The following DLG2 variants were observed in gnomAD, a reference collection of about 807,000 sequenced individuals.
The protein encoded by DLG2 is discs large MAGUK scaffold protein 2.
DLG2 carries 45 observed loss-of-function variants against 132.5 expected under a neutral mutation model. That is an observed-to-expected ratio of 0.34 (90% CI 0.27 to 0.44). The LOEUF is 0.44. DLG2 is among the 20% of genes least tolerant of loss of function. DLG2 has a pLI of 1.00. For synonymous variants in DLG2, 424 were observed against 419.6 expected (o/e 1.01, Z -0.13); for missense variants, 1,045 against 1,196.9 (o/e 0.87, Z 1.87).
At chr11:85,155,894 A>T (rs2077557246) in intron 4 of DLG2, among the ~76,000 whole-genome samples, 2 of 151,010 alleles carry the variant, frequency 1.3e-5, no homozygotes, top group South Asian at 4.2e-4. Context: ...ACTTTAATGC[A>T]CGTTAATGAG....
chr11:85,407,542 T>C (rs1257593037), intron 3 of DLG2, among the ~76,000 whole-genome samples: 1 of 151,824 alleles, frequency 6.6e-6, no homozygotes, highest in Non-Finnish European at 1.5e-5. Flanking sequence ...GATTTCCTTC[T>C]GAAGTGGACT....
At chr11:84,124,707 A>C (rs1373913068) in intron 9 of DLG2, among the ~76,000 whole-genome samples, 2 of 152,170 alleles carry the variant, frequency 1.3e-5, no homozygotes, top group Non-Finnish European at 2.9e-5. Flanking sequence ...TTGATCTCTC[A>C]TGGATATCTT....
chr11:84,049,711 T>C (rs1008276507), intron 11 of DLG2, among the ~76,000 whole-genome samples: 1 of 151,836 alleles, frequency 6.6e-6, no homozygotes, highest in Admixed American at 6.6e-5. Context: ...ATCTCCTTAA[T>C]CTGGGTTGTT....
chr11:84,211,287 T>C (rs956982406), intron 8 of DLG2, among the ~76,000 whole-genome samples: 2 of 152,242 alleles, frequency 1.3e-5, no homozygotes, highest in Non-Finnish European at 2.9e-5. Flanking sequence ...ATGCAAATGA[T>C]AACCCACTTC....
intron 8 of DLG2, among the ~76,000 whole-genome samples, chr11:84,231,019 C>T (rs1432314248): frequency 1.3e-5 from 2 of 152,144 alleles, no homozygotes; most frequent in Admixed American, 6.5e-5. Flanking sequence ...GAAATTGTTA[C>T]CCTGCTAAAA....
intron 15 of DLG2, among the ~76,000 whole-genome samples, chr11:83,884,119 G>A (rs190958213): frequency 0.023 from 3,488 of 152,280 alleles, 50 homozygotes; most frequent in Middle Eastern, 0.054. Flanking sequence ...GGCACCATGC[G>A]CGAGCCGAAG....
chr11:84,728,030 A>C (rs917186542), intron 6 of DLG2, among the ~76,000 whole-genome samples: 25 of 151,758 alleles, frequency 1.6e-4, no homozygotes, highest in African/African-American at 5.6e-4. Flanking sequence ...ACAATCATGT[A>C]ATCTGCAGAC....
chr11:83,534,057 CGCCTGTTTGAAG>C, intron 20 of DLG2, among the ~76,000 whole-genome samples: 1 of 152,174 alleles, frequency 6.6e-6, no homozygotes, highest in Non-Finnish European at 1.5e-5. Flanking sequence ...GGTGGACTCC[CGCCTGTTTGAAG>C]GCCAGGGTTG....
chr11:84,938,103 T>C (rs2048969533), intron 6 of DLG2, among the ~76,000 whole-genome samples: 1 of 152,218 alleles, frequency 6.6e-6, no homozygotes, highest in Admixed American at 6.5e-5. Context: ...ATAATAACTA[T>C]TTCATACCAG....
chr11:85,267,884 ATG>A (rs35082133), intron 4 of DLG2, among the ~76,000 whole-genome samples: 1,546 of 148,250 alleles, frequency 0.01, 22 homozygotes, highest in African/African-American at 0.034. Context: ...TGACTTTTGT[ATG>A]TGTGTGTGTG....
Position 83,923,865 on chromosome 11 carries a change from C to T in DLG2, c.1496+6463G>A, listed in dbSNP as rs533097142. 3.9e-4 allele frequency among the ~76,000 whole-genome samples: 60 copies of T among 152,184 alleles called. 1 individual carries two copies. The South Asian group carries it at 0.012, about 31-fold the overall frequency. On this transcript the variant is annotated intron_variant, in intron 15 of 27. Coordinates refer to ENST00000376104, the MANE Select transcript of DLG2 (RefSeq NM_001142699.3). ...AAATGCAAAGCAGCTTGTGTCTTTG[C>T]TCAGCTTTAAAACTCTTCAACAGCT...
intron 6 of DLG2, chr11:84,936,742 G>A (rs192950649): frequency 1.3e-5 from 2 of 152,106 alleles, no homozygotes; most frequent in South Asian, 4.1e-4. Context: ...TTAAAAAAAG[G>A]TAAGAAATGA....
At chr11:85,309,484 C>T (rs1018269206) in intron 3 of DLG2, among the ~76,000 whole-genome samples, 1 of 150,386 alleles carries the variant, frequency 6.6e-6, no homozygotes, top group Non-Finnish European at 1.5e-5. Flanking sequence ...CCAGTAAAAC[C>T]AAGTTATAAA....
At chr11:84,759,701 T>C (rs1020461202) in intron 6 of DLG2, among the ~76,000 whole-genome samples, 1 of 152,166 alleles carries the variant, frequency 6.6e-6, no homozygotes, top group Admixed American at 6.5e-5. Context: ...TTTTCAAAAG[T>C]GTTAGGCATA....
At chr11:83,974,845 C>T (rs1288874565) in intron 12 of DLG2, among the ~76,000 whole-genome samples, 6 of 152,010 alleles carry the variant, frequency 3.9e-5, no homozygotes, top group East Asian at 1.9e-4. Context: ...AGTGTCTTTC[C>T]GCTCGACTTC....
chr11:85,528,779 C>T (rs1270330279), intron 3 of DLG2, among the ~76,000 whole-genome samples: 1 of 152,152 alleles, frequency 6.6e-6, no homozygotes, highest in African/African-American at 2.4e-5. Context: ...TCTTGAAATT[C>T]TTAATAAATG....
At chr11:83,539,987 G>A (rs1036654204) in intron 20 of DLG2, among the ~76,000 whole-genome samples, 2 of 152,132 alleles carry the variant, frequency 1.3e-5, no homozygotes, top group Admixed American at 1.3e-4. Context: ...TTCAACCCCT[G>A]TATCCAAAAT....
At chr11:85,462,127 C>T (rs908440725) in intron 3 of DLG2, among the ~76,000 whole-genome samples, 2 of 152,190 alleles carry the variant, frequency 1.3e-5, no homozygotes, top group African/African-American at 4.8e-5. Flanking sequence ...GTTAGAATGG[C>T]AATCATTAAA....
At chr11:83,557,477 C>A (rs889410512) in intron 19 of DLG2, among the ~76,000 whole-genome samples, 6 of 152,186 alleles carry the variant, frequency 3.9e-5, no homozygotes, top group Non-Finnish European at 8.8e-5. Context: ...TTTCTCGTTA[C>A]CTCCAATTTT....
Sources: allele counts gnomAD v4.1 joint callset (sites outside exome capture counted in the v4.1 genomes callset), GRCh38; gene constraint gnomAD v4.1.1; transcripts MANE v1.5; gene names NCBI Gene and HGNC (gene_info 2026-07-23, HGNC 2026-07-21).